The following C3 variants were observed in gnomAD, a reference collection of about 807,000 sequenced individuals.
The protein encoded by C3 is C3 and PZP-like alpha-2-macroglobulin domain-containing protein 1.
C3 carries 97 observed loss-of-function variants against 207.9 expected under a neutral mutation model. The ratio of observed to expected loss-of-function variants is 0.47; its 90% CI spans 0.40 to 0.55. The LOEUF (loss-of-function observed/expected upper bound fraction) is 0.55. C3 is among the 20% of genes least tolerant of loss of function. The pLI is 0.00. For synonymous variants in C3, 848 were observed against 857.6 expected (o/e 0.99, Z 0.20); for missense variants, 1,684 against 2,171.7 (o/e 0.78, Z 4.46).
chr19:6,712,748 G>A (rs1967946447), intron 9 of C3, 125 bp from the exon 10 acceptor site: 1 of 819,532 alleles, frequency 1.2e-6, no homozygotes, highest in Non-Finnish European at 2.1e-6. Flanking sequence ...TTTCATACTG[G>A]GCCTGTGCCC....
At chr19:6,718,978 G>A (rs1968106872) in intron 2 of C3, among the ~76,000 whole-genome samples, 1 of 57,738 alleles carries the variant, frequency 1.7e-5, no homozygotes, top group Non-Finnish European at 4.2e-5. Flanking sequence ...AGATTCAGAA[G>A]GGGTGGGGGG....
Position 6,696,436 on chromosome 19 carries a change from C to T in C3, c.2893G>A (p.Ala965Thr). The change falls in exon 23 of 41, where the codon GCA becomes ACA. Residue 965 changes from alanine to threonine, a missense_variant. Physicochemically the swap from Ala to Thr is moderately conservative, Grantham distance 58 (BLOSUM62 0). Around this residue, in one of 3 missense-constraint regions of C3, gnomAD observed 1,280 missense variants for 1,739.1 expected, o/e 0.74. Transcript: ENST00000245907. ...TCCGGGACTTGGTCACTGAGGTCTG[C>T]AGGTGGGATGTCCTCTTTCTGCACT... Reference protein sequence around the residue: ...EGVQKEDIPPADLSDQVPDTE... With the variant: ...EGVQKEDIPPTDLSDQVPDTE... The T allele has an allele frequency of 3.7e-6, 6 of 1,613,790 alleles. No individual in the cohort carries two copies. The highest frequency in any genetic ancestry group is 5.1e-6 in the Non-Finnish European group (6 of 1,179,814).
intron 2 of C3, 24 bp from the exon 3 acceptor site, chr19:6,718,436 A>G (rs1968090641): frequency 6.2e-7 from 1 of 1,614,086 alleles, no homozygotes; most frequent in Non-Finnish European, 8.5e-7. Context: ...GGGCATTGTC[A>G]GGGGTCTGTT....
chr19:6,681,042 A>C (rs1172876873), intron 35 of C3, among the ~76,000 whole-genome samples: 1 of 152,044 alleles, frequency 6.6e-6, no homozygotes, highest in Non-Finnish European at 1.5e-5. Flanking sequence ...TCTACAAAAA[A>C]TAAAACAATC....
chr19:6,684,946 G>T, intron 30 of C3, 42 bp downstream of exon 30: 1 of 1,612,304 alleles, frequency 6.2e-7, no homozygotes. Context: ...TAGTGTAGGG[G>T]GAGACAGCCA....
Position 6,714,174 on chromosome 19 carries a change from T to A in C3, c.674A>T (p.Lys225Met). The change falls in exon 6 of 41, where the codon AAG becomes ATG. Residue 225 changes from lysine (K) to methionine (M), a missense_variant. By Grantham distance (95) the Lys-to-Met change is moderately conservative (BLOSUM62 -1). Transcript: ENST00000245907. ...QQVFSTEFEV[K>M]EYVLPSFEVI... The stretch of plus-strand genomic sequence containing the variant: ...GCCCCTCCTCCTCTTACCGTACTCC[T>A]TCACCTCAAACTCAGTGGAGAAGAC... The A allele has an allele frequency of 6.2e-7, 1 of 1,613,656 alleles. No individual in the cohort carries two copies. Among genetic ancestry groups the A allele is most frequent in the Non-Finnish European group, 8.5e-7 (1 of 1,179,908 alleles).
At chr19:6,680,655 T>A (rs964832301) in intron 35 of C3, among the ~76,000 whole-genome samples, 2 of 152,170 alleles carry the variant, frequency 1.3e-5, no homozygotes, top group South Asian at 4.1e-4. Flanking sequence ...TTACCCCCCA[T>A]GCCAACTGGA....
At chr19:6,690,590 G>A (rs756957585) in intron 27 of C3, 39 bp downstream of exon 27, 2 of 1,531,644 alleles carry the variant, frequency 1.3e-6, no homozygotes, top group South Asian at 1.1e-5. Flanking sequence ...CTCTGCATCG[G>A]GTAAGGTAGG....
At chr19:6,703,572 A>G (rs1967716303) in intron 17 of C3, among the ~76,000 whole-genome samples, 1 of 151,924 alleles carries the variant, frequency 6.6e-6, no homozygotes, top group African/African-American at 2.4e-5. Context: ...ATGCCACTGC[A>G]CTCCAGCCTC....
rs1460195587 is a variant in C3 at position 6,684,583 on chromosome 19, G to A, written c.4097C>T (p.Thr1366Ile). The part of the protein sequence containing the change: ...LTCNKFDLKV[T>I]IKPAPETEKR... ...ACCTGTTTCCGGTGCTGGTTTTATG[G>A]TGACCTTGAGGTCGAATTTATTACA... Residue 1366 changes from threonine to isoleucine, a missense_variant, in exon 32 of 41, where the codon ACC becomes ATC. By Grantham distance (89) the Thr-to-Ile change is moderately conservative. Transcript: ENST00000245907. The A allele has an allele frequency of 1.9e-6, 3 of 1,613,860 alleles. No individual in the cohort carries two copies. The highest frequency in any genetic ancestry group is 1.7e-5 in the Admixed American group (1 of 59,998).
intron 23 of C3, 61 bp downstream of exon 23, chr19:6,696,317 TG>T: frequency 9.6e-7 from 1 of 1,037,946 alleles, no homozygotes; most frequent in Non-Finnish European, 1.5e-6. Context: ...CAGAATGAGA[TG>T]GAATTTGGCT....
At chr19:6,709,560 G>A in intron 14 of C3, 124 bp downstream of exon 14, 1 of 1,094,974 alleles carries the variant, frequency 9.1e-7, no homozygotes, top group South Asian at 1.2e-5. Flanking sequence ...TGTCTGGTCT[G>A]CTCCGATCTC....
chr19:6,693,023 G>C lies in C3; in HGVS notation c.3291C>G (p.Ser1097=), dbSNP rs201958209. 6.2e-7 allele frequency: 1 copy of C among 1,614,152 alleles called. No homozygotes were observed. The highest frequency in any genetic ancestry group is 1.7e-5 in the Admixed American group (1 of 60,024). The part of the protein sequence containing the change: ...SLAVNLIAID[S]QVLCGAVKWL... ...ATTTAACAGCCCCGCAGAGGACTTG[G>C]GAGTCGATGGCGATGAGGTTGACAG... The change falls in exon 26 of 41, where the codon TCC becomes TCG. Residue 1097 remains serine (S), a synonymous_variant. Transcript: ENST00000245907.
Position 6,702,574 on chromosome 19 carries a change from G to T in C3, c.2251C>A (p.Leu751Met), listed in dbSNP as rs1392565598. Reference sequence around the variant, plus strand: ...TCTTCTGCAATGATGTCCTCATCCAGGTTACCTGCAGGGGGTTTAGATCTG... The same window carrying T: ...TCTTCTGCAATGATGTCCTCATCCATGTTACCTGCAGGGGGTTTAGATCTG... ...ASHLGLARSN[L>M]DEDIIAEENI... Residue 751 changes from leucine (L) to methionine (M), a missense_variant, in exon 18 of 41, where the codon CTG becomes ATG. Leu to Met is a conservative substitution (Grantham distance 15). This residue lies in a region of C3 where 1,280 missense variants were observed against 1,739.1 expected (regional missense o/e 0.74). Transcript: ENST00000245907. 2.5e-6 allele frequency: 4 copies of T among 1,609,740 alleles called. No individual in the cohort carries two copies. Among genetic ancestry groups the T allele is most frequent in the Non-Finnish European group, 3.4e-6 (4 of 1,176,048 alleles).
chr19:6,709,615 A>ACCCCCCCCCCCCCCC, intron 14 of C3, 69 bp downstream of exon 14: 1 of 403,610 alleles, frequency 2.5e-6, no homozygotes. Flanking sequence ...CTCCAGTCCC[A>ACCCCCCCCCCCCCCC]CCCACCTCCC....
chr19:6,685,250 G>C, intron 29 of C3, 104 bp from the exon 30 acceptor site: 2 of 1,091,728 alleles, frequency 1.8e-6, no homozygotes, highest in Non-Finnish European at 2.7e-6. Flanking sequence ...ACATCAAAAT[G>C]TGGCCTAGAA....
chr19:6,692,034 A>ACT (rs1555684490), intron 26 of C3, among the ~76,000 whole-genome samples: 11 of 141,184 alleles, frequency 7.8e-5, no homozygotes, highest in South Asian at 4.5e-4. Context: ...ACACACACAC[A>ACT]CTCACACCCC....
intron 21 of C3, 149 bp downstream of exon 21, chr19:6,697,195 C>A: frequency 1.5e-6 from 1 of 648,176 alleles, no homozygotes; most frequent in South Asian, 1.6e-5. Flanking sequence ...CCTGGCTCTG[C>A]TTCTGAAATT....
Position 6,712,497 on chromosome 19 carries a change from C to T in C3, c.1119+11G>A, listed in dbSNP as rs767214258. ...GGGAGGAGTGGGACCCCTTCCCGCC[C>T]CGGGTCTCACCATGAGGTCAAAGGG... On this transcript the variant is annotated intron_variant, in intron 10 of 40. Coordinates refer to ENST00000245907, the MANE Select transcript of C3 (RefSeq NM_000064.4). 4.3e-6 allele frequency: 7 copies of T among 1,613,836 alleles called. No homozygotes were observed. Among genetic ancestry groups the T allele is most frequent in the Non-Finnish European group, 5.9e-6 (7 of 1,179,838 alleles).
Sources: gnomAD v4.1 joint callset for allele counts (sites outside exome capture counted in the v4.1 genomes callset) on GRCh38, gnomAD v4.1.1 for gene constraint, gnomAD v4.1.1 regional missense constraint, MANE v1.5 for transcripts, NCBI Gene and HGNC (gene_info 2026-07-23, HGNC 2026-07-21) for gene names.